AGK: variants seen among roughly 807,000 people sequenced by gnomAD.
AGK encodes acylglycerol kinase.
In AGK, 52 loss-of-function variants were observed where a neutral mutation model predicts 66.4. The ratio of observed to expected loss-of-function variants is 0.78; its 90% confidence interval spans 0.63 to 0.99. AGK has a LOEUF of 0.99. Ranked by LOEUF, AGK falls within the 50% of genes least tolerant of loss-of-function variation. AGK has a pLI of 0.00. For synonymous variants in AGK, 182 were observed against 181.1 expected (o/e 1.00, Z -0.04); for missense variants, 451 against 506.6 (o/e 0.89, Z 1.05).
Position 141,653,926 on chromosome 7 carries a change from A to C in AGK, c.*1002A>C, listed in dbSNP as rs1461924532. ...TTTTAAACATATCCAGTACAATTTA[A>C]ATATCACAACAATTTGACACCCTTC... is the stretch of plus-strand genomic sequence containing the variant. On this transcript the variant is annotated 3_prime_UTR_variant, in exon 16 of 16. Coordinates refer to ENST00000649286, the MANE Select transcript of AGK (RefSeq NM_018238.4). 6.6e-6 allele frequency: 1 copy of C among 152,236 alleles called. No homozygotes were observed. The highest frequency in any genetic ancestry group is 1.5e-5 in the Non-Finnish European group (1 of 68,046). The allele number at this position is 152,236 out of a possible 1,614,324, so 9.4% of individuals were successfully genotyped here. A position where few individuals can be genotyped will look rare whatever the true frequency, so the allele number is the denominator to read the frequency against.
intron 14 of AGK, among the ~76,000 whole-genome samples, chr7:141,651,288 A>G (rs1016534536): frequency 6.6e-6 from 1 of 152,234 alleles, no homozygotes; most frequent in African/African-American, 2.4e-5. Flanking sequence ...AATCAAATTA[A>G]GAGCATTTCA....
chr7:141,551,811 T>C (rs1444480034), intron 1 of AGK, among the ~76,000 whole-genome samples: 3 of 146,336 alleles, frequency 2.1e-5, no homozygotes, highest in Non-Finnish European at 4.7e-5. Context: ...CATTGATGGG[T>C]TGGTTGGTTC....
At chr7:141,557,213 CT>C (rs1429132100) in intron 2 of AGK, among the ~76,000 whole-genome samples, 3 of 152,130 alleles carry the variant, frequency 2.0e-5, no homozygotes, top group Non-Finnish European at 2.9e-5. Context: ...ATGATGTCTG[CT>C]TTTTTTGCAG....
At chr7:141,643,703 C>T (rs1032310243) in intron 13 of AGK, among the ~76,000 whole-genome samples, 1 of 152,058 alleles carries the variant, frequency 6.6e-6, no homozygotes, top group Non-Finnish European at 1.5e-5. Context: ...ACATGTGAGG[C>T]ACCTGTCCTA....
At chr7:141,587,584 C>T (rs115125365) in intron 2 of AGK, among the ~76,000 whole-genome samples, 1,527 of 152,298 alleles carry the variant, frequency 0.01, 27 homozygotes, top group African/African-American at 0.035. Flanking sequence ...AGCACTTGTA[C>T]GCTTTGACAT....
chr7:141,552,256 A>G (rs535932414), intron 1 of AGK, among the ~76,000 whole-genome samples: 1 of 152,352 alleles, frequency 6.6e-6, no homozygotes, highest in South Asian at 2.1e-4. Flanking sequence ...GTCTTTTAAC[A>G]GTTCAAATAT....
In AGK at chr7:141,567,502, A is replaced by AG. The variant is rs1562959996; in HGVS notation, c.101+11936dup. Among the ~76,000 whole-genome samples, 4 of 152,130 alleles carry AG rather than the reference A, an allele frequency of 2.6e-5. No individual in the cohort carries two copies. In the South Asian group the frequency reaches 8.3e-4, roughly 32 times the overall value. Reference sequence around the variant, plus strand: ...TTCCCCCAAGTTTCAAAGAAAAAAAAGTCTGTGATATTTTTCCCCTCTGCA... The same window carrying AG: ...TTCCCCCAAGTTTCAAAGAAAAAAAAGGTCTGTGATATTTTTCCCCTCTGCA... On this transcript the variant is annotated intron_variant, in intron 2 of 15. Coordinates refer to ENST00000649286, the MANE Select transcript of AGK (RefSeq NM_018238.4).
At chr7:141,573,488 A>T (rs1795660227) in intron 2 of AGK, among the ~76,000 whole-genome samples, 1 of 152,144 alleles carries the variant, frequency 6.6e-6, no homozygotes, top group South Asian at 2.1e-4. Context: ...AGGGAGTTTT[A>T]TATCAATGGT....
intron 5 of AGK, among the ~76,000 whole-genome samples, chr7:141,603,622 A>T (rs1245974212): frequency 6.6e-6 from 1 of 152,168 alleles, no homozygotes; most frequent in African/African-American, 2.4e-5. Context: ...CCAACATTCT[A>T]TACCAGTTAT....
chr7:141,578,590 C>G (rs1193110692), intron 2 of AGK, among the ~76,000 whole-genome samples: 3 of 151,730 alleles, frequency 2.0e-5, no homozygotes, highest in African/African-American at 7.3e-5. Context: ...TTTCTCAGGG[C>G]TGCTTCCAGC....
At chr7:141,587,157 C>T (rs183121792) in intron 2 of AGK, among the ~76,000 whole-genome samples, 207 of 152,278 alleles carry the variant, frequency 1.4e-3, no homozygotes, top group Non-Finnish European at 2.0e-3. Flanking sequence ...AGGATGTGGG[C>T]GCTATCTTTG....
At chr7:141,650,133 G>A (rs1797520479) in intron 14 of AGK, among the ~76,000 whole-genome samples, 1 of 151,974 alleles carries the variant, frequency 6.6e-6, no homozygotes, top group Non-Finnish European at 1.5e-5. Flanking sequence ...CTGCTGCAGC[G>A]GCCTGGTCTC....
intron 3 of AGK, among the ~76,000 whole-genome samples, chr7:141,595,402 A>G (rs1014488886): frequency 9.9e-5 from 15 of 152,204 alleles, no homozygotes; most frequent in African/African-American, 3.6e-4. Context: ...AGAAATTATA[A>G]TGTTCCAGAA....
intron 9 of AGK, among the ~76,000 whole-genome samples, chr7:141,622,286 T>C (rs1796842935): frequency 6.6e-6 from 1 of 152,204 alleles, no homozygotes; most frequent in African/African-American, 2.4e-5. Context: ...TTATCACTTT[T>C]AGACCTTATC....
At chr7:141,635,950 G>A (rs997743293) in intron 10 of AGK, among the ~76,000 whole-genome samples, 4 of 152,112 alleles carry the variant, frequency 2.6e-5, no homozygotes, top group Non-Finnish European at 5.9e-5. Context: ...TTCATAGTGG[G>A]TGCTAAATAA....
chr7:141,553,132 T>C (rs927502962), intron 1 of AGK, among the ~76,000 whole-genome samples: 2 of 152,192 alleles, frequency 1.3e-5, no homozygotes, highest in African/African-American at 4.8e-5. Flanking sequence ...GCTCTCTTCC[T>C]CGGTTTGTAG....
Position 141,637,035 on chromosome 7 carries a change from T to G in AGK, c.726+18T>G, listed in dbSNP as rs767714921. ...CTCTTAAGGTAAATGTGATTTACAG[T>G]GTAGAAATTTGCTGTGTTATTTTGT... On this transcript the variant is annotated intron_variant, in intron 11 of 15. Transcript: ENST00000649286. The G allele has an allele frequency of 1.5e-5, 24 of 1,603,788 alleles. No individual in the cohort carries two copies. The highest frequency in any genetic ancestry group is 1.7e-4 in the Middle Eastern group (1 of 5,904).
rs1177940380 is a variant in AGK, at chr7:141,625,988, T to C, written c.588+4187T>C. On this transcript the variant is annotated intron_variant, in intron 9 of 15. Transcript: ENST00000649286. ...ACTGATTTATACATGAACTGATGAA[T>C]TATTTTAGAAATATATTTTTTAAAA... 2.0e-5 allele frequency among the ~76,000 whole-genome samples: 3 copies of C among 152,212 alleles called. No individual in the cohort carries two copies. The East Asian group carries it at 5.8e-4, about 29-fold the overall frequency.
In AGK at chr7:141,593,154, T is replaced by G; in HGVS notation, c.110T>G (p.Leu37Arg). 1 of 1,611,828 alleles carries G rather than the reference T, an allele frequency of 6.2e-7. No homozygotes were observed. Among genetic ancestry groups the G allele is most frequent in the Non-Finnish European group, 8.5e-7 (1 of 1,179,526 alleles). ...HWLYGKHCDN[L>R]LRRAACQEAQ... ...TTTGCTTACTTTGATAGTGATAACC[T>G]CCTAAGGAGAGCAGCCTGTCAAGAA... Residue 37 changes from leucine to arginine, a missense_variant, in exon 3 of 16, where the codon CTC becomes CGC. Leu to Arg is a moderately radical substitution (Grantham distance 102). Coordinates refer to ENST00000649286, the MANE Select transcript of AGK (RefSeq NM_018238.4).
Sources: allele counts gnomAD v4.1 joint callset (sites outside exome capture counted in the v4.1 genomes callset), GRCh38; gene constraint gnomAD v4.1.1; transcripts MANE v1.5; gene names NCBI Gene and HGNC (gene_info 2026-07-23, HGNC 2026-07-21).